The following ZNF70 variants were observed in gnomAD, a reference collection of about 807,000 sequenced individuals.
The protein encoded by ZNF70 is zinc finger protein N27C7-1.
ZNF70 carries 18 observed loss-of-function variants against 37.7 expected under a neutral mutation model. The ratio of observed to expected loss-of-function variants is 0.48; its 90% CI spans 0.33 to 0.71. The LOEUF is 0.71. ZNF70 is among the 30% of genes least tolerant of loss of function. The probability of loss-of-function intolerance (pLI) is 0.02; values close to 1 mark genes in which losing one functional copy is unlikely to be tolerated. For synonymous variants in ZNF70, 219 were observed against 220.1 expected (o/e 0.99, Z 0.05); for missense variants, 506 against 568.6 (o/e 0.89, Z 1.12).
rs1010722112 is a variant in ZNF70, at chr22:23,743,620, A to G, written c.*180T>C. The G allele has an allele frequency of 9.7e-6, 8 of 825,142 alleles. No individual in the cohort carries two copies. Among genetic ancestry groups the G allele is most frequent in the Non-Finnish European group, 1.5e-5 (8 of 538,446 alleles). 51.1% of individuals were successfully genotyped at this position (825,142 alleles called of 1,614,324 possible). A position where few individuals can be genotyped will look rare whatever the true frequency, so the allele number is the denominator to read the frequency against. ...CCTTCCATGCAGAAAACCTGCTGAGAGCTGGCGTGCTTGGCCCAGGGCCAC... is the reference window on the plus strand; with the variant it reads ...CCTTCCATGCAGAAAACCTGCTGAGGGCTGGCGTGCTTGGCCCAGGGCCAC... On this transcript the variant is annotated 3_prime_UTR_variant, in exon 2 of 2. Transcript: ENST00000341976.
chr22:23,744,998 T>C lies in ZNF70; in HGVS notation c.143A>G (p.Tyr48Cys), dbSNP rs145952310. ...ERGLEQMAVIYKEIPLGEQDE... is the reference protein window; with the variant it reads ...ERGLEQMAVICKEIPLGEQDE... ...CTGCTCACCAAGAGGGATCTCCTTG[T>C]AGATCACAGCCATTTGCTCCAAACC... Residue 48 changes from tyrosine to cysteine, a missense_variant, in exon 2 of 2, where the codon TAC (tyrosine) becomes TGC (cysteine). Coordinates refer to ENST00000341976, the MANE Select transcript of ZNF70 (RefSeq NM_021916.4). The C allele has an allele frequency of 8.0e-4, 1,284 of 1,614,172 alleles. 23 individuals carry two copies. In the East Asian group the frequency reaches 0.025, roughly 32 times the overall value.
intron 1 of ZNF70, among the ~76,000 whole-genome samples, chr22:23,746,784 G>T (rs981909671): frequency 2.0e-5 from 3 of 151,992 alleles, no homozygotes; most frequent in African/African-American, 4.8e-5. Flanking sequence ...TAGAGATGAG[G>T]TCACACTGTA....
rs1285377243 is a variant in ZNF70, at chr22:23,745,068, G to A, written c.73C>T (p.Leu25Phe). ...TCCCCCAGGTCCTCCCCTGGGAAAA[G>A]CCCTTGTTGTGACTCTAACCTGTTC... is the stretch of plus-strand genomic sequence containing the variant. ...FENRLESQQGLFPGEDLGDPF... is the reference protein window; with the variant it reads ...FENRLESQQGFFPGEDLGDPF... Residue 25 changes from leucine to phenylalanine, a missense_variant, in exon 2 of 2, where the codon CTT (leucine) becomes TTT (phenylalanine). Coordinates refer to ENST00000341976, the MANE Select transcript of ZNF70 (RefSeq NM_021916.4). The A allele has an allele frequency of 1.2e-5, 19 of 1,614,174 alleles. No homozygotes were observed. The highest frequency in any genetic ancestry group is 1.6e-5 in the Non-Finnish European group (19 of 1,180,026).
chr22:23,748,480 G>A (rs1030450634), intron 1 of ZNF70, among the ~76,000 whole-genome samples: 1 of 151,530 alleles, frequency 6.6e-6, no homozygotes, highest in Non-Finnish European at 1.5e-5. Context: ...GGCTCAAGCA[G>A]TCCTCCCACC....
rs760887865 is a variant in ZNF70, at chr22:23,745,003, C to G, written c.138G>C (p.Val46=). 4 of 1,614,078 alleles carry G rather than the reference C, an allele frequency of 2.5e-6. No homozygotes were observed. The highest frequency in any genetic ancestry group is 3.4e-6 in the Non-Finnish European group (4 of 1,180,048). The stretch of plus-strand genomic sequence containing the variant: ...CACCAAGAGGGATCTCCTTGTAGAT[C>G]ACAGCCATTTGCTCCAAACCTCTTT... ...LQERGLEQMA[V]IYKEIPLGEQ... is the part of the protein sequence containing the mutation. Residue 46 remains valine, a synonymous_variant, in exon 2 of 2, where the codon GTG becomes GTC. Coordinates refer to ENST00000341976, the MANE Select transcript of ZNF70 (RefSeq NM_021916.4).
chr22:23,743,480 G>T lies in ZNF70; in HGVS notation c.*320C>A. On this transcript the variant is annotated 3_prime_UTR_variant, in exon 2 of 2. Coordinates refer to ENST00000341976, the MANE Select transcript of ZNF70 (RefSeq NM_021916.4). Reference sequence around the variant, plus strand: ...CTTGGCATTTATTCTTCTAGATTCTGGGAAATGTGAAGACAGGGCAAAATG... The same window carrying T: ...CTTGGCATTTATTCTTCTAGATTCTTGGAAATGTGAAGACAGGGCAAAATG... 1 of 295,998 alleles carries T rather than the reference G, an allele frequency of 3.4e-6. No individual in the cohort carries two copies. The allele number at this position is 295,998 out of a possible 1,614,324, so 18.3% of individuals were successfully genotyped here.
intron 1 of ZNF70, among the ~76,000 whole-genome samples, chr22:23,748,511 A>G (rs1439944209): frequency 6.6e-6 from 1 of 150,534 alleles, no homozygotes; most frequent in Non-Finnish European, 1.5e-5. Flanking sequence ...AAAGTGCTGG[A>G]TTACAGGCAT....
intron 1 of ZNF70, among the ~76,000 whole-genome samples, chr22:23,748,822 G>C (rs1925220816): frequency 1.3e-5 from 2 of 152,156 alleles, no homozygotes; most frequent in Non-Finnish European, 2.9e-5. Context: ...TGGGATTACA[G>C]GTGTGAGCCA....
At chr22:23,750,587 A>C (rs772052016) in intron 1 of ZNF70, 124 bp downstream of exon 1, 58 of 152,202 alleles carry the variant, frequency 3.8e-4, no homozygotes, top group African/African-American at 1.3e-3. Context: ...CATTCCCACT[A>C]TATAGCCCCT....
chr22:23,744,079 G>A lies in ZNF70; in HGVS notation c.1062C>T (p.His354=). Residue 354 remains histidine, a synonymous_variant, in exon 2 of 2, where the codon CAC becomes CAT. Transcript: ENST00000341976. ...AFSQSSSLIE[H]QRIHTGEKPY... is the part of the protein sequence containing the mutation. ...GCTTCTCACCGGTGTGGATGCGCTG[G>A]TGCTCAATGAGGGAGGAGCTCTGGC... 2 of 1,614,166 alleles carry A rather than the reference G, an allele frequency of 1.2e-6. No homozygotes were observed. Among genetic ancestry groups the A allele is most frequent in the South Asian group, 1.1e-5 (1 of 91,084 alleles).
intron 1 of ZNF70, among the ~76,000 whole-genome samples, chr22:23,749,083 C>G (rs571711464): frequency 6.8e-4 from 103 of 151,764 alleles, no homozygotes; most frequent in African/African-American, 2.2e-3. Context: ...ACAAAAAAGG[C>G]CGGACGCGGT....
Position 23,744,947 on chromosome 22 carries a change from C to T in ZNF70, c.194G>A (p.Gly65Glu), listed in dbSNP as rs767721990. The T allele has an allele frequency of 5.6e-6, 9 of 1,614,094 alleles. No individual in the cohort carries two copies. The Admixed American group carries it at 6.7e-5, about 12-fold the overall frequency. Residue 65 changes from glycine to glutamate, a missense_variant, in exon 2 of 2, where the codon GGG becomes GAG. By Grantham distance (98) the Gly-to-Glu change is moderately conservative. Coordinates refer to ENST00000341976, the MANE Select transcript of ZNF70 (RefSeq NM_021916.4). ...AGGGCTTGAGCACAAACTGAAATTC[C>T]CCTCGTAATCATCATTTTCTTCGTC... ...EQDEENDDYE[G>E]NFSLCSSPVQ...
chr22:23,750,427 G>A (rs1230425501), intron 1 of ZNF70, among the ~76,000 whole-genome samples: 2 of 151,908 alleles, frequency 1.3e-5, no homozygotes, highest in Non-Finnish European at 2.9e-5. Flanking sequence ...TGAAAGCTTT[G>A]AGCTACCCCC....
chr22:23,749,527 C>CA (rs61374101), intron 1 of ZNF70, among the ~76,000 whole-genome samples: 6,216 of 24,024 alleles, frequency 0.26, 1,938 homozygotes, highest in Non-Finnish European at 0.3. Flanking sequence ...GACTCCGTCT[C>CA]AAAAAAAAAA....
chr22:23,747,371 T>C (rs1222050379), intron 1 of ZNF70, among the ~76,000 whole-genome samples: 1 of 152,178 alleles, frequency 6.6e-6, no homozygotes. Flanking sequence ...GGGATTTGGT[T>C]GTGCACTCTT....
chr22:23,741,539 T>A lies in ZNF70; in HGVS notation c.*2261A>T, dbSNP rs1601316018. 1.3e-5 allele frequency: 2 copies of A among 152,368 alleles called. No homozygotes were observed. Among genetic ancestry groups the A allele is most frequent in the Admixed American group, 1.3e-4 (2 of 15,302 alleles). The allele number at this position is 152,368 out of a possible 1,614,324, so 9.4% of individuals were successfully genotyped here. On this transcript the variant is annotated 3_prime_UTR_variant, in exon 2 of 2. Transcript: ENST00000341976. The stretch of plus-strand genomic sequence containing the variant: ...TGACCTCTCCAGCCCATCATATCTG[T>A]CATTTGGAAATCTCTGGCCTATCAA...
In ZNF70 at chr22:23,744,486, T is replaced by C; in HGVS notation, c.655A>G (p.Thr219Ala). The C allele has an allele frequency of 1.2e-6, 2 of 1,614,012 alleles. No individual in the cohort carries two copies. Among genetic ancestry groups the C allele is most frequent in the Non-Finnish European group, 8.5e-7 (1 of 1,179,992 alleles). The change falls in exon 2 of 2, where the codon ACC (threonine) becomes GCC (alanine). Residue 219 changes from threonine to alanine, a missense_variant. Transcript: ENST00000341976. ...SALTQHQKIH[T>A]GKRPYECREC... ...CTGCACTCGTAGGGCCTCTTTCCGG[T>C]GTGGATCTTTTGGTGTTGCGTGAGG...
At position 23,744,667 on chromosome 22, in the gene ZNF70, G is replaced by A. The variant is rs1416103319; in HGVS notation, c.474C>T (p.His158=). Reference sequence around the variant, plus strand: ...GCTTCTCCCCAGTGTGGATCACCAGGTGTCGGAGCAGGTGCGAGCTCTGGC... The same window carrying A: ...GCTTCTCCCCAGTGTGGATCACCAGATGTCGGAGCAGGTGCGAGCTCTGGC... The part of the protein sequence containing the change: ...AFSQSSHLLR[H]LVIHTGEKPY... Residue 158 remains histidine, a synonymous_variant, in exon 2 of 2, where the codon CAC becomes CAT. Coordinates refer to ENST00000341976, the MANE Select transcript of ZNF70 (RefSeq NM_021916.4). 6.2e-7 allele frequency: 1 copy of A among 1,614,070 alleles called. No homozygotes were observed. Among genetic ancestry groups the A allele is most frequent in the Non-Finnish European group, 8.5e-7 (1 of 1,179,974 alleles).
intron 1 of ZNF70, among the ~76,000 whole-genome samples, chr22:23,750,089 A>T (rs944222227): frequency 5.9e-5 from 9 of 152,060 alleles, no homozygotes; most frequent in African/African-American, 1.7e-4. Flanking sequence ...CACCACGACA[A>T]ATTTCGAGTT....
Sources: gnomAD v4.1 joint callset for allele counts (sites outside exome capture counted in the v4.1 genomes callset) on GRCh38, gnomAD v4.1.1 for gene constraint, MANE v1.5 for transcripts, NCBI Gene and HGNC (gene_info 2026-07-23, HGNC 2026-07-21) for gene names.